Variants in KLRG1 observed in about 807,000 individuals in gnomAD.
The protein encoded by KLRG1 is killer cell lectin-like receptor subfamily G member 1.
In KLRG1, 16 loss-of-function variants were observed where a neutral mutation model predicts 21.8. The observed-to-expected ratio is 0.73, with a 90% CI of 0.50 to 1.11. KLRG1 has a LOEUF of 1.11. Ranked by LOEUF, KLRG1 falls within the 50% of genes most tolerant of loss-of-function variation. The probability of loss-of-function intolerance (pLI) is 0.00; values close to 1 mark genes in which losing one functional copy is unlikely to be tolerated. For missense variants in KLRG1, 173 were observed against 218.3 expected (o/e 0.79, Z 1.31); for synonymous variants, 69 against 75.9 (o/e 0.91, Z 0.47).
intron 1 of KLRG1, among the ~76,000 whole-genome samples, chr12:8,963,920 C>T (rs937528507): frequency 6.6e-6 from 1 of 151,834 alleles, no homozygotes; most frequent in Non-Finnish European, 1.5e-5. Context: ...TTTGATTCTT[C>T]TCTCATTTCT....
At chr12:9,140,262 G>GT in the KLRG1 span, among the ~76,000 whole-genome samples, 39 of 152,304 alleles carry the variant, frequency 2.6e-4, no homozygotes, top group East Asian at 6.8e-3. Context: ...AGGCATAGTA[G>GT]TAGGGGGGGG....
rs1351627671 is a variant in KLRG1 at position 8,995,373 on chromosome 12, C to T, written c.357+85C>T. ...ACTGCTATTTAAATGTATCATGTATCCTCTTTTAAGGAACAGAAGGAATCT... is the reference window on the plus strand; with the variant it reads ...ACTGCTATTTAAATGTATCATGTATTCTCTTTTAAGGAACAGAAGGAATCT... On this transcript the variant is annotated intron_variant, in intron 3 of 4. Coordinates refer to ENST00000356986, the MANE Select transcript of KLRG1 (RefSeq NM_005810.4). The T allele has an allele frequency of 3.4e-6, 4 of 1,187,132 alleles. No homozygotes were observed. The East Asian group carries it at 9.8e-5, about 29-fold the overall frequency. The allele number at this position is 1,187,132 out of a possible 1,614,324, so 73.5% of individuals were successfully genotyped here. A position where few individuals can be genotyped will look rare whatever the true frequency, so the allele number is the denominator to read the frequency against.
chr12:9,101,718 T>C, the KLRG1 span: 1 of 1,432,524 alleles, frequency 7.0e-7, no homozygotes, highest in African/African-American at 1.4e-5. Context: ...TTATACGTCA[T>C]AAAGATTAAT....
At chr12:9,077,922 C>T in the KLRG1 span, 3 of 1,593,620 alleles carry the variant, frequency 1.9e-6, no homozygotes, top group Non-Finnish European at 2.6e-6. Flanking sequence ...CACTTCACAG[C>T]AACAGGCTTC....
At chr12:9,158,752 CTTTTCTTTTTTT>C in the KLRG1 span, among the ~76,000 whole-genome samples, 1 of 97,832 alleles carries the variant, frequency 1.0e-5, no homozygotes, top group Non-Finnish European at 2.0e-5. Flanking sequence ...TTTTTCTTTT[CTTTTCTTTTTTT>C]TTTTTTTTTT....
chr12:8,994,208 C>T (rs886402051), intron 2 of KLRG1, among the ~76,000 whole-genome samples: 7 of 152,218 alleles, frequency 4.6e-5, no homozygotes, highest in East Asian at 1.9e-4. Context: ...GGATTACAGG[C>T]GGGTGCCACC....
the KLRG1 span, chr12:9,164,054 G>A: frequency 6.8e-7 from 1 of 1,475,884 alleles, no homozygotes; most frequent in Non-Finnish European, 9.2e-7. Context: ...GCAAATAAAA[G>A]AGAGAATATG....
At chr12:8,964,541 G>A (rs1379296081) in intron 1 of KLRG1, among the ~76,000 whole-genome samples, 3 of 152,128 alleles carry the variant, frequency 2.0e-5, no homozygotes, top group African/African-American at 7.2e-5. Flanking sequence ...TTCTGTAGAT[G>A]TCTATTAGGT....
chr12:9,079,395 A>G, the KLRG1 span: 1 of 1,479,960 alleles, frequency 6.8e-7, no homozygotes. Context: ...TGGAGAAATT[A>G]CTAAAAGTAC....
the KLRG1 span, among the ~76,000 whole-genome samples, chr12:9,214,988 T>C: frequency 1.3e-5 from 2 of 152,014 alleles, no homozygotes; most frequent in African/African-American, 4.8e-5. Context: ...TTTTGAAAGT[T>C]AACCCATTTA....
chr12:9,165,354 CCA>C, the KLRG1 span: 3 of 1,613,924 alleles, frequency 1.9e-6, no homozygotes, highest in Admixed American at 1.7e-5. Flanking sequence ...CCTACCTCAG[CCA>C]CACCTGATGA....
At chr12:8,995,655 A>G (rs1393250037) in intron 3 of KLRG1, among the ~76,000 whole-genome samples, 2 of 151,152 alleles carry the variant, frequency 1.3e-5, no homozygotes, top group Non-Finnish European at 2.9e-5. Context: ...AGGTCCGGAA[A>G]CCTACAGGTC....
the KLRG1 span, chr12:9,064,536 G>A: frequency 6.4e-6 from 1 of 155,468 alleles, no homozygotes; most frequent in East Asian, 1.9e-4. The surrounding 1 kb of genome is among the most constrained non-coding windows in gnomAD (Gnocchi z 4.0). Flanking sequence ...CTATGTCGCC[G>A]CTCTCGCCCG....
the KLRG1 span, among the ~76,000 whole-genome samples, chr12:9,142,248 G>C: frequency 0.023 from 3,465 of 152,018 alleles, 134 homozygotes; most frequent in African/African-American, 0.078. Context: ...TAGAAGTTAG[G>C]GTATTTCACT....
chr12:9,050,950 G>A, the KLRG1 span, among the ~76,000 whole-genome samples: 23,525 of 152,200 alleles, frequency 0.15, 1,955 homozygotes, highest in African/African-American at 0.2. Context: ...ATGAATGGTG[G>A]CAGGAGGCAG....
chr12:9,076,331 A>G, the KLRG1 span, among the ~76,000 whole-genome samples: 2 of 152,226 alleles, frequency 1.3e-5, no homozygotes, highest in Admixed American at 6.5e-5. Context: ...TGAGGTAAAT[A>G]CTATTATTAT....
the KLRG1 span, chr12:9,074,704 A>G: frequency 3.7e-6 from 6 of 1,614,026 alleles, no homozygotes; most frequent in Admixed American, 8.3e-5. Flanking sequence ...TCTCCACCTC[A>G]GCAGAGGGAG....
intron 1 of KLRG1, among the ~76,000 whole-genome samples, chr12:8,970,706 A>G (rs907278794): frequency 1.3e-5 from 2 of 152,232 alleles, no homozygotes; most frequent in African/African-American, 4.8e-5. Context: ...CTGAGATAAC[A>G]TTCAATATTT....
the KLRG1 span, chr12:9,028,603 C>T: frequency 5.5e-6 from 2 of 361,158 alleles, no homozygotes; most frequent in South Asian, 2.2e-5. Context: ...ACCACCACGC[C>T]CTGCTAATTT....
Sources: gnomAD v4.1 joint callset for allele counts (sites outside exome capture counted in the v4.1 genomes callset) on GRCh38, gnomAD v4.1.1 for gene constraint, Gnocchi (gnomAD v3.1) non-coding constraint, MANE v1.5 for transcripts, NCBI Gene and HGNC (gene_info 2026-07-23, HGNC 2026-07-21) for gene names.